Variants in DEPTOR observed in about 807,000 individuals in gnomAD.
DEPTOR encodes the protein DEP domain-containing mTOR-interacting protein.
DEPTOR carries 41 observed loss-of-function variants against 41.6 expected under a neutral mutation model. The ratio of observed to expected loss-of-function variants is 0.98; its 90% CI spans 0.77 to 1.28. The LOEUF is 1.28. DEPTOR is among the 50% of genes most tolerant of loss of function. The pLI is 0.00. For missense variants in DEPTOR, 514 were observed against 527.9 expected (o/e 0.97, Z 0.26); for synonymous variants, 195 against 192.3 (o/e 1.01, Z -0.12).
chr8:119,892,811 C>A (rs1827468168), intron 1 of DEPTOR, among the ~76,000 whole-genome samples: 1 of 149,468 alleles, frequency 6.7e-6, no homozygotes. Context: ...GAGACGGAGT[C>A]TCGCCCTGTT....
At chr8:119,971,026 C>T (rs1049576118) in intron 4 of DEPTOR, among the ~76,000 whole-genome samples, 4 of 152,122 alleles carry the variant, frequency 2.6e-5, no homozygotes, top group East Asian at 3.9e-4. Context: ...GTCGGGAGAT[C>T]GAGACCATCC....
chr8:119,969,073 C>T (rs934758630), intron 4 of DEPTOR, among the ~76,000 whole-genome samples: 71 of 150,570 alleles, frequency 4.7e-4, no homozygotes, highest in Middle Eastern at 3.5e-3. Flanking sequence ...CCAGCCTGGG[C>T]GACACAGCAA....
intron 4 of DEPTOR, among the ~76,000 whole-genome samples, chr8:119,979,562 C>G (rs897531493): frequency 1.3e-5 from 2 of 152,172 alleles, no homozygotes; most frequent in African/African-American, 2.4e-5. Context: ...TGCACCTGGC[C>G]CAGCTTTTTT....
rs10529651 is a variant in DEPTOR at position 120,027,234 on chromosome 8, A to AAATAATAATAATAATAAT, written c.1101+18111_1101+18128dup. On this transcript the variant is annotated intron_variant, in intron 8 of 8. Coordinates refer to ENST00000286234, the MANE Select transcript of DEPTOR (RefSeq NM_022783.4). ...ACTCCATCTCAAAAAAATAAAAATA[A>AAATAATAATAATAATAAT]AATAATAATAATAATAATAATAATA... Among the ~76,000 whole-genome samples, 829 of 145,098 alleles carry AAATAATAATAATAATAAT rather than the reference A, an allele frequency of 5.7e-3. 2 individuals carry two copies. The highest frequency in any genetic ancestry group is 0.025 in the South Asian group (115 of 4,572).
chr8:119,930,527 G>A (rs565932689), intron 3 of DEPTOR, among the ~76,000 whole-genome samples: 8 of 152,240 alleles, frequency 5.3e-5, no homozygotes, highest in South Asian at 2.1e-4. Flanking sequence ...GTGAGCCACC[G>A]TGCTTGGCCC....
intron 1 of DEPTOR, among the ~76,000 whole-genome samples, chr8:119,890,279 T>G (rs7003133): frequency 0.079 from 11,866 of 150,270 alleles, 619 homozygotes; most frequent in Non-Finnish European, 0.11. Context: ...ATATGAGTTT[T>G]TTTGTTTGTT....
intron 4 of DEPTOR, among the ~76,000 whole-genome samples, chr8:119,989,091 G>A (rs1332578805): frequency 1.3e-5 from 2 of 150,204 alleles, no homozygotes; most frequent in African/African-American, 2.5e-5. Context: ...ATGAGCCATC[G>A]TGCCTGGCTG....
chr8:119,942,397 G>T (rs562155593), intron 3 of DEPTOR, among the ~76,000 whole-genome samples: 1 of 152,156 alleles, frequency 6.6e-6, no homozygotes, highest in East Asian at 1.9e-4. Flanking sequence ...GTAGAGACGG[G>T]GTTTCGCAGT....
At chr8:119,909,172 T>G (rs6469867) in intron 1 of DEPTOR, among the ~76,000 whole-genome samples, 75,786 of 152,084 alleles carry the variant, frequency 0.5, 20,606 homozygotes, top group East Asian at 0.92. Context: ...TCAAAGGCTC[T>G]CTAGAATCTT....
chr8:119,933,850 A>G (rs556258824), intron 3 of DEPTOR, among the ~76,000 whole-genome samples: 2 of 152,034 alleles, frequency 1.3e-5, no homozygotes, highest in Non-Finnish European at 2.9e-5. Flanking sequence ...TTGCTGAACC[A>G]TGTTGATTTT....
chr8:119,973,473 C>T (rs28650977), intron 4 of DEPTOR, among the ~76,000 whole-genome samples: 51,476 of 151,958 alleles, frequency 0.34, 9,643 homozygotes, highest in East Asian at 0.52. Flanking sequence ...TGGGCTCAAG[C>T]GATCCTCCAG....
intron 8 of DEPTOR, among the ~76,000 whole-genome samples, chr8:120,033,014 G>A (rs1385419062): frequency 1.3e-5 from 2 of 151,858 alleles, no homozygotes; most frequent in African/African-American, 2.4e-5. Context: ...GTGAGGATGG[G>A]CTGATAAGGG....
At chr8:119,985,986 G>A (rs1586645348) in intron 4 of DEPTOR, among the ~76,000 whole-genome samples, 1 of 151,490 alleles carries the variant, frequency 6.6e-6, no homozygotes, top group Non-Finnish European at 1.5e-5. Flanking sequence ...TATCCAATTT[G>A]CCAGTCTGTA....
intron 8 of DEPTOR, among the ~76,000 whole-genome samples, chr8:120,029,259 C>T (rs1032460144): frequency 6.6e-6 from 1 of 151,950 alleles, no homozygotes; most frequent in Non-Finnish European, 1.5e-5. Context: ...CTAGAAAGCC[C>T]CTACTGTTCT....
intron 4 of DEPTOR, among the ~76,000 whole-genome samples, chr8:119,979,027 G>A (rs1433986360): frequency 1.3e-5 from 2 of 152,090 alleles, no homozygotes; most frequent in Admixed American, 6.6e-5. Flanking sequence ...GTTAATGCCA[G>A]GGAGTAACTA....
chr8:120,025,745 C>T (rs569724208), intron 8 of DEPTOR, among the ~76,000 whole-genome samples: 1 of 152,178 alleles, frequency 6.6e-6, no homozygotes, highest in African/African-American at 2.4e-5. Flanking sequence ...ACCAGTACTA[C>T]TGTGGCTCTA....
intron 3 of DEPTOR, among the ~76,000 whole-genome samples, chr8:119,954,427 G>T (rs1247249954): frequency 1.3e-5 from 2 of 152,138 alleles, no homozygotes; most frequent in Non-Finnish European, 1.5e-5. Context: ...ATTAAGGTGT[G>T]AGCCAGCATG....
intron 8 of DEPTOR, among the ~76,000 whole-genome samples, chr8:120,028,711 C>T (rs1396470921): frequency 2.0e-5 from 3 of 151,690 alleles, no homozygotes; most frequent in African/African-American, 7.3e-5. Context: ...GATCCACCCA[C>T]CTCGGCCTCC....
chr8:119,882,503 T>C (rs1827311106), intron 1 of DEPTOR, among the ~76,000 whole-genome samples: 1 of 152,104 alleles, frequency 6.6e-6, no homozygotes, highest in African/African-American at 2.4e-5. Context: ...CTTGTGATCC[T>C]TCCACCTCAA....
Sources: gnomAD v4.1 joint callset for allele counts (sites outside exome capture counted in the v4.1 genomes callset) on GRCh38, gnomAD v4.1.1 for gene constraint, MANE v1.5 for transcripts, NCBI Gene and HGNC (gene_info 2026-07-23, HGNC 2026-07-21) for gene names.